Variants in PVT1 observed in about 807,000 individuals in gnomAD.
PVT1 encodes Pvt1 oncogene, also known as CXCR4/PVT1 fusion.
chr8:127,907,010 G>A lies in PVT1; in HGVS notation n.782+16012G>A, dbSNP rs183999110. Among the ~76,000 whole-genome samples, 3 of 149,278 alleles carry A rather than the reference G, an allele frequency of 2.0e-5. No homozygotes were observed. In the East Asian group the frequency reaches 6.0e-4, roughly 30 times the overall value. On this transcript the variant is annotated intron_variant and non_coding_transcript_variant, in intron 3 of 10. Coordinates refer to ENST00000651587, the Ensembl canonical transcript of PVT1. ...GAGTCTTGCTCTGTCAGCCAGGCTG[G>A]AGTGCAGTGGCACAATATCAGCTCA...
At chr8:127,868,810 T>C (rs796891805) in intron 2 of PVT1, among the ~76,000 whole-genome samples, 81 of 36,240 alleles carry the variant, frequency 2.2e-3, no homozygotes, top group Non-Finnish European at 5.2e-3. Context: ...TATGTACATA[T>C]ATATATATAT....
chr8:128,024,490 G>A (rs889189852), intron 4 of PVT1, among the ~76,000 whole-genome samples: 1 of 152,126 alleles, frequency 6.6e-6, no homozygotes, highest in Non-Finnish European at 1.5e-5. Flanking sequence ...GCCTAGTTTG[G>A]TGGTGCATGC....
chr8:128,075,443 C>CTT (rs34232440), intron 5 of PVT1, among the ~76,000 whole-genome samples: 5 of 151,510 alleles, frequency 3.3e-5, no homozygotes, highest in South Asian at 2.1e-4. Context: ...CTATTTTCTC[C>CTT]TTTTTTTAAA....
intron 3 of PVT1, among the ~76,000 whole-genome samples, chr8:127,954,890 C>T (rs1251885100): frequency 6.6e-6 from 1 of 152,212 alleles, no homozygotes; most frequent in Non-Finnish European, 1.5e-5. Flanking sequence ...ACCCTACAAG[C>T]CTGTCCTCCA....
chr8:128,049,863 C>T (rs886322091), intron 4 of PVT1, among the ~76,000 whole-genome samples: 3 of 152,168 alleles, frequency 2.0e-5, no homozygotes, highest in Non-Finnish European at 4.4e-5. Context: ...TCTATAGTAA[C>T]GCTTTTGCAT....
At chr8:127,874,859 G>A (rs774596285) in intron 2 of PVT1, among the ~76,000 whole-genome samples, 1 of 151,986 alleles carries the variant, frequency 6.6e-6, no homozygotes, top group Non-Finnish European at 1.5e-5. Context: ...GTTTTGGCCT[G>A]CCACCTGGCC....
At chr8:127,807,191 G>A (rs917703063) in intron 2 of PVT1, among the ~76,000 whole-genome samples, 41 of 152,322 alleles carry the variant, frequency 2.7e-4, no homozygotes, top group East Asian at 3.8e-4. Context: ...GATATTTAGA[G>A]ATGAAAGTGA....
intron 3 of PVT1, among the ~76,000 whole-genome samples, chr8:127,920,453 G>T (rs1218688264): frequency 3.3e-5 from 5 of 152,182 alleles, no homozygotes; most frequent in African/African-American, 1.2e-4. Flanking sequence ...CTCTGTGCCT[G>T]CATGTTGCAT....
intron 3 of PVT1, among the ~76,000 whole-genome samples, chr8:127,924,408 C>G (rs1015270614): frequency 1.3e-5 from 2 of 152,080 alleles, no homozygotes; most frequent in African/African-American, 4.8e-5. Context: ...GCCATCTTGG[C>G]TCACTGCAAC....
intron 3 of PVT1, among the ~76,000 whole-genome samples, chr8:127,936,114 C>T (rs1037000649): frequency 2.0e-5 from 3 of 147,160 alleles, no homozygotes; most frequent in South Asian, 2.2e-4. Flanking sequence ...TGCAATGGCG[C>T]GATCTTGGCT....
intron 3 of PVT1, among the ~76,000 whole-genome samples, chr8:127,953,926 A>G (rs1816538398): frequency 6.6e-6 from 1 of 152,202 alleles, no homozygotes; most frequent in African/African-American, 2.4e-5. Context: ...ACATACATAA[A>G]TGCAAAGCAT....
intron 3 of PVT1, among the ~76,000 whole-genome samples, chr8:127,985,589 G>A (rs1816960640): frequency 6.6e-6 from 1 of 152,158 alleles, no homozygotes; most frequent in African/African-American, 2.4e-5. Context: ...TGCTCGGCTT[G>A]CTGGATTTGA....
At chr8:127,978,115 C>A (rs1265055416) in intron 3 of PVT1, among the ~76,000 whole-genome samples, 1 of 151,990 alleles carries the variant, frequency 6.6e-6, no homozygotes, top group Non-Finnish European at 1.5e-5. Context: ...TCACAAGTTA[C>A]GTCTTACAGG....
In PVT1 at chr8:127,853,077, A is replaced by G. The variant is rs2129736423; in HGVS notation, n.373-37512A>G. Among the ~76,000 whole-genome samples the G allele has an allele frequency of 2.0e-5, 3 of 152,340 alleles. No homozygotes were observed. The Middle Eastern group carries it at 0.01, about 518-fold the overall frequency. On this transcript the variant is annotated intron_variant and non_coding_transcript_variant, in intron 2 of 10. Transcript: ENST00000651587. ...TCGAGCATCTCCCATGGACAAGATC[A>G]GCTGTGGGTGGAGCCTTGAAGTACA... is the stretch of plus-strand genomic sequence containing the variant.
intron 4 of PVT1, among the ~76,000 whole-genome samples, chr8:128,000,168 AC>A (rs1440635380): frequency 6.6e-6 from 1 of 151,954 alleles, no homozygotes; most frequent in Non-Finnish European, 1.5e-5. Context: ...TGCTCCTAGA[AC>A]CCCTTGGTTA....
chr8:127,891,987 C>G (rs187609187), intron 3 of PVT1, among the ~76,000 whole-genome samples: 1 of 152,182 alleles, frequency 6.6e-6, no homozygotes, highest in African/African-American at 2.4e-5. Flanking sequence ...TAGCTCTGAG[C>G]GATGAGTGGT....
At chr8:128,027,419 G>A (rs184700982) in intron 4 of PVT1, among the ~76,000 whole-genome samples, 11 of 152,288 alleles carry the variant, frequency 7.2e-5, no homozygotes, top group African/African-American at 2.6e-4. Flanking sequence ...GTGGGGACAG[G>A]CATCCTATAT....
intron 5 of PVT1, among the ~76,000 whole-genome samples, chr8:128,090,264 G>C (rs866044187): frequency 6.6e-6 from 1 of 152,168 alleles, no homozygotes; most frequent in African/African-American, 2.4e-5. Flanking sequence ...GTAACTCCAC[G>C]CAAGACTGTC....
intron 4 of PVT1, among the ~76,000 whole-genome samples, chr8:128,003,724 G>T (rs1353904513): frequency 6.6e-6 from 1 of 152,220 alleles, no homozygotes; most frequent in Non-Finnish European, 1.5e-5. Context: ...TAAATTATAA[G>T]TGAGTTCTTA....
Sources: allele counts gnomAD v4.1 joint callset (sites outside exome capture counted in the v4.1 genomes callset), GRCh38; gene constraint gnomAD v4.1.1; transcripts MANE v1.5; gene names NCBI Gene and HGNC (gene_info 2026-07-23, HGNC 2026-07-21).